SERPINB12: variants seen among roughly 807,000 people sequenced by gnomAD.
The protein encoded by SERPINB12 is serpin family B member 12.
SERPINB12 carries 57 observed loss-of-function variants against 41.1 expected under a neutral mutation model. The observed-to-expected ratio is 1.39, with a 90% CI of 1.12 to 1.73. The LOEUF (loss-of-function observed/expected upper bound fraction) is 1.73, where lower values mean the gene tolerates loss of function less well. Ranked by LOEUF, SERPINB12 falls within the 40% of genes most tolerant of loss-of-function variation. The pLI, the probability that SERPINB12 is intolerant of heterozygous loss-of-function variation, is 0.00. For missense variants in SERPINB12, 536 were observed against 501.9 expected, an observed-to-expected ratio of 1.07 and a Z score of -0.65; for synonymous variants, 180 against 181.3, an observed-to-expected ratio of 0.99 and a Z score of 0.06.
At chr18:63,523,083 C>T in the SERPINB12 span, among the ~76,000 whole-genome samples, 731 of 152,102 alleles carry the variant, frequency 4.8e-3, 3 homozygotes, top group African/African-American at 0.016. Flanking sequence ...TCTGGAACAT[C>T]CCAAAGTTAG....
At chr18:63,538,275 A>T (rs1354315054), upstream of SERPINB12, among the ~76,000 whole-genome samples, 2 of 152,184 alleles carry the variant, frequency 1.3e-5, no homozygotes, top group Non-Finnish European at 2.9e-5. Flanking sequence ...AGAGTTGTAC[A>T]GCCATAACCA....
chr18:63,562,061 A>G (rs550233863), intron 5 of SERPINB12, among the ~76,000 whole-genome samples: 1 of 152,304 alleles, frequency 6.6e-6, no homozygotes, highest in African/African-American at 2.4e-5. Context: ...ACAGCATCAA[A>G]CAGTTAAACT....
the SERPINB12 span, among the ~76,000 whole-genome samples, chr18:63,529,924 C>A: frequency 1.2e-4 from 19 of 152,136 alleles, no homozygotes; most frequent in East Asian, 3.7e-3. Context: ...TTCAGAAACT[C>A]CTTCCCATGA....
Position 63,546,185 on chromosome 18 carries a change from T to C in SERPINB12, c.-19+3693T>C, listed in dbSNP as rs72931665. 6.1e-3 allele frequency among the ~76,000 whole-genome samples: 934 copies of C among 152,308 alleles called. 4 individuals are homozygous for C. The highest frequency in any genetic ancestry group is 0.01 in the Non-Finnish European group (693 of 68,016). ...CTGACAACAAGTTAGAAAAGGAAGATAAAGGGCTCAGTAGGAGAACCAGGT... is the reference window on the plus strand; with the variant it reads ...CTGACAACAAGTTAGAAAAGGAAGACAAAGGGCTCAGTAGGAGAACCAGGT... On this transcript the variant is annotated intron_variant, in intron 1 of 7. Coordinates refer to ENST00000382768, the MANE Select transcript of SERPINB12 (RefSeq NM_001307928.2).
the SERPINB12 span, among the ~76,000 whole-genome samples, chr18:63,536,869 G>A: frequency 6.6e-6 from 1 of 152,088 alleles, no homozygotes; most frequent in Admixed American, 6.6e-5. Context: ...GGTAAGAGAA[G>A]CAATGCCAAT....
chr18:63,552,226 C>A (rs73961718), intron 1 of SERPINB12, among the ~76,000 whole-genome samples: 11,896 of 152,078 alleles, frequency 0.078, 988 homozygotes, highest in East Asian at 0.29. Flanking sequence ...AATTCAGATA[C>A]GACAAATGTA....
intron 1 of SERPINB12, among the ~76,000 whole-genome samples, chr18:63,548,367 G>A (rs1224181602): frequency 6.6e-6 from 1 of 152,014 alleles, no homozygotes; most frequent in African/African-American, 2.4e-5. Flanking sequence ...TTACAGGAAA[G>A]ATTTTCTTTC....
At chr18:63,532,207 G>A in the SERPINB12 span, among the ~76,000 whole-genome samples, 2 of 152,128 alleles carry the variant, frequency 1.3e-5, no homozygotes, top group East Asian at 3.9e-4. Flanking sequence ...ATACATTTTA[G>A]TTCAAGAGAC....
At chr18:63,535,178 A>C in the SERPINB12 span, among the ~76,000 whole-genome samples, 1 of 152,214 alleles carries the variant, frequency 6.6e-6, no homozygotes, top group African/African-American at 2.4e-5. Context: ...AAAAATCATT[A>C]GTGGATGCTA....
chr18:63,563,707 G>A (rs1021704659), intron 5 of SERPINB12, among the ~76,000 whole-genome samples: 1 of 152,094 alleles, frequency 6.6e-6, no homozygotes, highest in African/African-American at 2.4e-5. Context: ...GACCAGCCTG[G>A]CCAACATGGC....
chr18:63,558,042 C>A (rs1910736765), intron 2 of SERPINB12, among the ~76,000 whole-genome samples: 3 of 152,012 alleles, frequency 2.0e-5, no homozygotes, highest in Admixed American at 2.0e-4. Flanking sequence ...GTGTATTTTG[C>A]ACTTACAGTC....
chr18:63,524,897 G>A, the SERPINB12 span, among the ~76,000 whole-genome samples: 1 of 151,480 alleles, frequency 6.6e-6, no homozygotes, highest in Non-Finnish European at 1.5e-5. Flanking sequence ...TTACAGGCAC[G>A]TGCCACCATG....
upstream of SERPINB12, among the ~76,000 whole-genome samples, chr18:63,537,714 A>T (rs1031754175): frequency 1.1e-4 from 17 of 152,166 alleles, no homozygotes; most frequent in Non-Finnish European, 2.4e-4. Context: ...AAATCTTACC[A>T]TATGGAATCC....
At chr18:63,543,569 A>G (rs1260025840) in intron 1 of SERPINB12, among the ~76,000 whole-genome samples, 1 of 147,566 alleles carries the variant, frequency 6.8e-6, no homozygotes, top group Non-Finnish European at 1.5e-5. Flanking sequence ...CAAAACATAC[A>G]TTTTATTTAT....
the SERPINB12 span, among the ~76,000 whole-genome samples, chr18:63,536,160 G>A: frequency 1.3e-5 from 2 of 151,492 alleles, no homozygotes; most frequent in South Asian, 2.1e-4. Flanking sequence ...TTAATTACAA[G>A]CAAAAATAAA....
At chr18:63,553,345 T>G (rs1027817193) in intron 1 of SERPINB12, among the ~76,000 whole-genome samples, 3 of 152,176 alleles carry the variant, frequency 2.0e-5, no homozygotes, top group Non-Finnish European at 2.9e-5. Flanking sequence ...TTGTTGCAAG[T>G]CACTTCGCCT....
At chr18:63,553,540 C>G (rs1910586466) in intron 1 of SERPINB12, among the ~76,000 whole-genome samples, 1 of 152,164 alleles carries the variant, frequency 6.6e-6, no homozygotes, top group East Asian at 1.9e-4. Flanking sequence ...ATCATTCAGT[C>G]TTTCTAACCA....
the SERPINB12 span, among the ~76,000 whole-genome samples, chr18:63,534,642 T>C: frequency 6.6e-6 from 1 of 152,192 alleles, no homozygotes; most frequent in African/African-American, 2.4e-5. Flanking sequence ...AGAATAGATG[T>C]TTAGGAGAAA....
At chr18:63,522,704 C>T in the SERPINB12 span, among the ~76,000 whole-genome samples, 5 of 152,034 alleles carry the variant, frequency 3.3e-5, no homozygotes, top group Non-Finnish European at 7.4e-5. Context: ...AATCTGCATT[C>T]GAGAGTACTG....
Sources: gnomAD v4.1 joint callset for allele counts (sites outside exome capture counted in the v4.1 genomes callset) on GRCh38, gnomAD v4.1.1 for gene constraint, MANE v1.5 for transcripts, NCBI Gene and HGNC (gene_info 2026-07-23, HGNC 2026-07-21) for gene names.